The following SEZ6L variants were observed in gnomAD, a reference collection of about 807,000 sequenced individuals.
The protein encoded by SEZ6L is seizure 6-like protein.
SEZ6L carries 37 observed loss-of-function variants against 106.2 expected under a neutral mutation model. The ratio of observed to expected loss-of-function variants is 0.35; its 90% CI spans 0.27 to 0.46. The LOEUF (loss-of-function observed/expected upper bound fraction) is 0.46. Ranked by LOEUF, SEZ6L falls within the 20% of genes least tolerant of loss-of-function variation. The pLI, the probability that SEZ6L is intolerant of heterozygous loss-of-function variation, is 1.00. For missense variants in SEZ6L, 1,172 were observed against 1,332.8 expected, an observed-to-expected ratio of 0.88 and a Z score of 1.88; for synonymous variants, 541 against 570.4, an observed-to-expected ratio of 0.95 and a Z score of 0.73.
chr22:26,173,276 CAA>C (rs1938747890), intron 1 of SEZ6L, among the ~76,000 whole-genome samples: 7 of 152,312 alleles, frequency 4.6e-5, no homozygotes, highest in African/African-American at 1.7e-4. Flanking sequence ...ACCAAGAAAA[CAA>C]ATCTCTGCGA....
chr22:26,210,840 C>T (rs2078137212), intron 1 of SEZ6L, among the ~76,000 whole-genome samples: 1 of 152,184 alleles, frequency 6.6e-6, no homozygotes, highest in Admixed American at 6.5e-5. Flanking sequence ...TTTGTTCCAA[C>T]ATTTAAAATA....
intron 9 of SEZ6L, among the ~76,000 whole-genome samples, chr22:26,335,524 TTC>T (rs1178364468): frequency 6.6e-6 from 1 of 152,198 alleles, no homozygotes; most frequent in Non-Finnish European, 1.5e-5. Flanking sequence ...CTGATTTTTT[TTC>T]TGTCTTTAAT....
intron 2 of SEZ6L, 96 bp from the exon 3 acceptor site, chr22:26,294,196 G>A: frequency 3.4e-6 from 4 of 1,188,340 alleles, no homozygotes; most frequent in Non-Finnish European, 4.8e-6. Flanking sequence ...ACAGCAAAAT[G>A]CAGGTTCCCC....
At chr22:26,239,532 A>T (rs552871554) in intron 1 of SEZ6L, among the ~76,000 whole-genome samples, 23 of 152,296 alleles carry the variant, frequency 1.5e-4, no homozygotes, top group African/African-American at 5.5e-4. Context: ...ATCCACACCT[A>T]AATCCAAGCC....
Position 26,310,854 on chromosome 22 carries a change from C to T in SEZ6L, c.1681+18C>T, listed in dbSNP as rs749241700. ...ATTTGAAGGTGAGGGTCCCTGGGAG[C>T]TTCCCTTTCTCTTGTGGGGCTGGGG... On this transcript the variant is annotated intron_variant, in intron 7 of 16. Coordinates refer to ENST00000248933, the MANE Select transcript of SEZ6L (RefSeq NM_021115.5). 1.2e-6 allele frequency: 2 copies of T among 1,611,294 alleles called. No homozygotes were observed. The highest frequency in any genetic ancestry group is 3.3e-5 in the Admixed American group (2 of 59,930).
intron 1 of SEZ6L, among the ~76,000 whole-genome samples, chr22:26,276,790 AG>A (rs555271411): frequency 6.6e-6 from 1 of 152,018 alleles, no homozygotes; most frequent in South Asian, 2.1e-4. Flanking sequence ...GTGTGAGGGG[AG>A]GTGGTTATGA....
At chr22:26,355,988 C>T (rs1017713128) in intron 12 of SEZ6L, among the ~76,000 whole-genome samples, 2 of 152,232 alleles carry the variant, frequency 1.3e-5, no homozygotes, top group Non-Finnish European at 2.9e-5. Flanking sequence ...AACTTGCCCT[C>T]TCTGGGCCTC....
At chr22:26,186,639 G>T (rs577214878) in intron 1 of SEZ6L, among the ~76,000 whole-genome samples, 2 of 152,170 alleles carry the variant, frequency 1.3e-5, no homozygotes, top group African/African-American at 4.8e-5. Context: ...TGAGGGACCT[G>T]ATCAGATATG....
At chr22:26,305,095 A>T (rs1423103304) in intron 5 of SEZ6L, among the ~76,000 whole-genome samples, 2 of 152,228 alleles carry the variant, frequency 1.3e-5, no homozygotes, top group Non-Finnish European at 2.9e-5. Context: ...GAAAAGATAC[A>T]ATAAAAATAT....
At chr22:26,218,283 C>T (rs567908539) in intron 1 of SEZ6L, among the ~76,000 whole-genome samples, 40 of 152,192 alleles carry the variant, frequency 2.6e-4, no homozygotes, top group Admixed American at 1.8e-3. Context: ...ATGTGCAGAA[C>T]GTGCAGGTTT....
intron 11 of SEZ6L, among the ~76,000 whole-genome samples, chr22:26,349,086 A>T (rs975042323): frequency 1.3e-5 from 2 of 152,166 alleles, no homozygotes; most frequent in African/African-American, 4.8e-5. Flanking sequence ...TGCCAAGAAA[A>T]GGCCCAAAGT....
At chr22:26,182,897 C>T (rs1399048928) in intron 1 of SEZ6L, among the ~76,000 whole-genome samples, 1 of 152,052 alleles carries the variant, frequency 6.6e-6, no homozygotes, top group African/African-American at 2.4e-5. Context: ...ACCACATGGG[C>T]GTGGCCTGTC....
chr22:26,301,631 C>T (rs1036627650), intron 5 of SEZ6L, among the ~76,000 whole-genome samples: 10 of 151,918 alleles, frequency 6.6e-5, no homozygotes, highest in African/African-American at 2.2e-4. Context: ...GAGGACCTCA[C>T]CTGGGAGGAG....
chr22:26,344,442 T>C (rs970457518), intron 10 of SEZ6L, among the ~76,000 whole-genome samples: 1 of 152,202 alleles, frequency 6.6e-6, no homozygotes, highest in Non-Finnish European at 1.5e-5. Flanking sequence ...AAGCTCCATA[T>C]TGTAAGTCAA....
Position 26,190,315 on chromosome 22 carries a change from A to T in SEZ6L, c.94+20552A>T, listed in dbSNP as rs567750575. ...GTTATTGAGTCCAATTTTCCCAGGG[A>T]TTAACTCACTTTGAAGTTATAAATT... On this transcript the variant is annotated intron_variant, in intron 1 of 16. Transcript: ENST00000248933. Among the ~76,000 whole-genome samples the T allele has an allele frequency of 2.0e-5, 3 of 152,268 alleles. No homozygotes were observed. In the East Asian group the frequency reaches 5.8e-4, roughly 29 times the overall value.
At chr22:26,250,031 TGTTGA>T (rs1210537454) in intron 1 of SEZ6L, among the ~76,000 whole-genome samples, 1 of 152,166 alleles carries the variant, frequency 6.6e-6, no homozygotes, top group Non-Finnish European at 1.5e-5. Context: ...GTTTTGTTGC[TGTTGA>T]GTTGAGTTCC....
At chr22:26,239,957 C>T (rs2079064458) in intron 1 of SEZ6L, among the ~76,000 whole-genome samples, 1 of 151,690 alleles carries the variant, frequency 6.6e-6, no homozygotes, top group Non-Finnish European at 1.5e-5. Context: ...CTTGGCTTAA[C>T]TCAGAGAATT....
At chr22:26,314,444 A>G (rs6005009) in intron 9 of SEZ6L, among the ~76,000 whole-genome samples, 38,705 of 152,044 alleles carry the variant, frequency 0.25, 6,195 homozygotes, top group African/African-American at 0.46. Context: ...TGTAACACCC[A>G]TTTACTGGAC....
intron 13 of SEZ6L, among the ~76,000 whole-genome samples, chr22:26,367,774 C>T (rs2083871261): frequency 6.6e-6 from 1 of 152,160 alleles, no homozygotes; most frequent in Non-Finnish European, 1.5e-5. Flanking sequence ...CGTTACCTGG[C>T]GTTCTGCAAA....
Sources: gnomAD v4.1 joint callset for allele counts (sites outside exome capture counted in the v4.1 genomes callset) on GRCh38, gnomAD v4.1.1 for gene constraint, MANE v1.5 for transcripts, NCBI Gene and HGNC (gene_info 2026-07-23, HGNC 2026-07-21) for gene names.